PTPRG: variants seen among roughly 807,000 people sequenced by gnomAD.
The protein encoded by PTPRG is protein tyrosine phosphatase receptor type G.
PTPRG carries 102 observed loss-of-function variants against 165.3 expected under a neutral mutation model. The ratio of observed to expected loss-of-function variants is 0.62; its 90% confidence interval spans 0.53 to 0.73. PTPRG has a LOEUF of 0.73. PTPRG is among the 30% of genes least tolerant of loss of function. The pLI is 0.00. For synonymous variants in PTPRG, 675 were observed against 669.5 expected, an observed-to-expected ratio of 1.01 and a Z score of -0.13; for missense variants, 1,866 against 1,861.4, an observed-to-expected ratio of 1.00 and a Z score of -0.05.
At chr3:61,695,566 C>G (rs1041647995) in intron 1 of PTPRG, among the ~76,000 whole-genome samples, 13 of 152,328 alleles carry the variant, frequency 8.5e-5, no homozygotes, top group African/African-American at 2.9e-4. Context: ...TTGCAGGGTC[C>G]AACTTCATAC....
rs377194005 is a variant in PTPRG, at chr3:62,230,872, G to C, written c.2289-353G>C. 7.1e-4 allele frequency among the ~76,000 whole-genome samples: 108 copies of C among 152,334 alleles called. 2 individuals are homozygous for C. Among genetic ancestry groups the C allele is most frequent in the African/African-American group, 2.3e-3 (97 of 41,574 alleles). On this transcript the variant is annotated intron_variant, in intron 13 of 29. Coordinates refer to ENST00000474889, the MANE Select transcript of PTPRG (RefSeq NM_002841.4). ...CTCCAATGATATTTTAAGCCATTCT[G>C]TTTGCCAGGGCAGTGTGTCAAAGGT...
At chr3:62,152,042 T>C (rs1348739396) in intron 6 of PTPRG, among the ~76,000 whole-genome samples, 1 of 152,174 alleles carries the variant, frequency 6.6e-6, no homozygotes, top group East Asian at 1.9e-4. Context: ...GCTCTAGCAC[T>C]TCTCCCCATT....
At chr3:62,034,365 T>A (rs1699874790) in intron 4 of PTPRG, among the ~76,000 whole-genome samples, 1 of 152,214 alleles carries the variant, frequency 6.6e-6, no homozygotes, top group African/African-American at 2.4e-5. Context: ...TTCATACACA[T>A]CATGTCAGGA....
chr3:61,955,223 A>G (rs1026866641), intron 2 of PTPRG, among the ~76,000 whole-genome samples: 1 of 152,190 alleles, frequency 6.6e-6, no homozygotes. Context: ...TACGAACCCA[A>G]GTCTTTATTA....
intron 5 of PTPRG, among the ~76,000 whole-genome samples, chr3:62,097,651 A>G (rs1702161110): frequency 6.6e-6 from 1 of 152,218 alleles, no homozygotes; most frequent in South Asian, 2.1e-4. Context: ...CTTTTGTACC[A>G]TCTGTATCTA....
intron 2 of PTPRG, among the ~76,000 whole-genome samples, chr3:61,964,371 T>A (rs1232022119): frequency 6.6e-6 from 1 of 152,202 alleles, no homozygotes; most frequent in Non-Finnish European, 1.5e-5. Flanking sequence ...GGAGATCTTT[T>A]CTTATGGACT....
rs1441525892 is a variant in PTPRG at position 61,992,260 on chromosome 3, T to TA, written c.370+2458dup. ...ACATGCATTTTTGCATTTTTTTTTT[T>TA]AATCTCTTGAAAGAGTTTTAACTTA... On this transcript the variant is annotated intron_variant, in intron 3 of 29. Transcript: ENST00000474889. Among the ~76,000 whole-genome samples the TA allele has an allele frequency of 2.0e-5, 3 of 152,064 alleles. 1 individual carries two copies. Among genetic ancestry groups the TA allele is most frequent in the African/African-American group, 4.8e-5 (2 of 41,388 alleles).
intron 2 of PTPRG, among the ~76,000 whole-genome samples, chr3:61,834,768 G>GCACTCCAC (rs2036411672): frequency 6.6e-6 from 1 of 152,088 alleles, no homozygotes; most frequent in African/African-American, 2.4e-5. Context: ...AGCTGAGATC[G>GCACTCCAC]TGCCACTGCA....
chr3:61,859,140 C>G (rs2037191551), intron 2 of PTPRG, among the ~76,000 whole-genome samples: 1 of 151,946 alleles, frequency 6.6e-6, no homozygotes, highest in African/African-American at 2.4e-5. Flanking sequence ...ATGTGTCACT[C>G]CTTTTCAAAG....
intron 28 of PTPRG, among the ~76,000 whole-genome samples, chr3:62,283,352 ACT>A: frequency 6.6e-6 from 1 of 152,260 alleles, no homozygotes; most frequent in South Asian, 2.1e-4. Flanking sequence ...AGTCTTCAGT[ACT>A]GTCTTTTGGG....
chr3:61,899,732 A>G (rs971488261), intron 2 of PTPRG, among the ~76,000 whole-genome samples: 1 of 152,186 alleles, frequency 6.6e-6, no homozygotes, highest in Non-Finnish European at 1.5e-5. Flanking sequence ...GGGGACAGGC[A>G]TCTGTATATA....
rs958244128 is a variant in PTPRG at position 62,195,657 on chromosome 3, A to G, written c.1327+487A>G. Among the ~76,000 whole-genome samples the G allele has an allele frequency of 2.0e-5, 3 of 152,192 alleles. No individual in the cohort carries two copies. Among genetic ancestry groups the G allele is most frequent in the Non-Finnish European group, 4.4e-5 (3 of 68,028 alleles). On this transcript the variant is annotated intron_variant, in intron 10 of 29. Transcript: ENST00000474889. The surrounding 1 kb of genome is among the most constrained non-coding windows in gnomAD (Gnocchi z 4.4). ...TCCTGGATCTAGATAGATGGTCCTGATGACTTAGGGACTAATAGAAAGGTC... is the reference window on the plus strand; with the variant it reads ...TCCTGGATCTAGATAGATGGTCCTGGTGACTTAGGGACTAATAGAAAGGTC...
chr3:62,050,903 T>C (rs1700449993), intron 4 of PTPRG, among the ~76,000 whole-genome samples: 1 of 152,192 alleles, frequency 6.6e-6, no homozygotes, highest in East Asian at 1.9e-4. Context: ...TCTAAATATT[T>C]CCGGAAAGTT....
intron 2 of PTPRG, among the ~76,000 whole-genome samples, chr3:61,872,702 C>G (rs150637040): frequency 5.5e-4 from 84 of 152,270 alleles, no homozygotes; most frequent in African/African-American, 1.7e-3. Context: ...AAATCTCCAG[C>G]AATTTCACTT....
intron 7 of PTPRG, among the ~76,000 whole-genome samples, 196 bp from the exon 8 acceptor site, chr3:62,167,775 C>A (rs1402181565): frequency 6.6e-6 from 1 of 152,114 alleles, no homozygotes; most frequent in Non-Finnish European, 1.5e-5. Flanking sequence ...AAACCACAGC[C>A]AGATGAGCCT....
At chr3:62,262,620 C>T in intron 16 of PTPRG, 178 bp from the exon 17 acceptor site, 1 of 449,856 alleles carries the variant, frequency 2.2e-6, no homozygotes, top group South Asian at 5.7e-5. Context: ...ATCTTTATAC[C>T]TTTTTCACAT....
chr3:62,112,175 A>T (rs893382167), intron 5 of PTPRG, among the ~76,000 whole-genome samples: 1 of 151,684 alleles, frequency 6.6e-6, no homozygotes, highest in African/African-American at 2.4e-5. Flanking sequence ...ATCTTGGCTC[A>T]CTGACTGCAA....
chr3:62,235,382 T>C (rs1215291214), intron 14 of PTPRG, among the ~76,000 whole-genome samples: 1 of 152,148 alleles, frequency 6.6e-6, no homozygotes, highest in African/African-American at 2.4e-5. Flanking sequence ...TAGCTGGAAG[T>C]CTTGGGAAGT....
At chr3:62,277,800 T>C in intron 26 of PTPRG, 121 bp downstream of exon 26, 2 of 1,223,352 alleles carry the variant, frequency 1.6e-6, no homozygotes, top group Non-Finnish European at 1.1e-6. Context: ...TTAAAATTTT[T>C]AAATTCTCAT....
Sources: gnomAD v4.1 joint callset for allele counts (sites outside exome capture counted in the v4.1 genomes callset) on GRCh38, gnomAD v4.1.1 for gene constraint, Gnocchi (gnomAD v3.1) non-coding constraint, MANE v1.5 for transcripts, NCBI Gene and HGNC (gene_info 2026-07-23, HGNC 2026-07-21) for gene names.